Variants in SLC30A5 observed in about 807,000 individuals in gnomAD.
The protein encoded by SLC30A5 is solute carrier family 30 member 5.
SLC30A5 carries 33 observed loss-of-function variants against 79.6 expected under a neutral mutation model. The observed-to-expected ratio is 0.41, with a 90% CI of 0.31 to 0.55. The LOEUF is 0.55. SLC30A5 is among the 20% of genes least tolerant of loss of function. The pLI, the probability that SLC30A5 is intolerant of heterozygous loss-of-function variation, is 0.20. For synonymous variants in SLC30A5, 299 were observed against 319.7 expected, an observed-to-expected ratio of 0.94 and a Z score of 0.69; for missense variants, 788 against 928.1, an observed-to-expected ratio of 0.85 and a Z score of 1.96.
At chr5:69,100,689 T>G in intron 1 of SLC30A5, 118 bp from the exon 2 acceptor site, 1 of 777,550 alleles carries the variant, frequency 1.3e-6, no homozygotes, top group Non-Finnish European at 2.0e-6. Flanking sequence ...TTTTGTTTCA[T>G]TTTGTGTTTA....
Position 69,104,438 on chromosome 5 carries a change from G to T in SLC30A5, c.274-193G>T. The stretch of plus-strand genomic sequence containing the variant: ...ATTACAGGCATGAGCCACAGCACCC[G>T]GCCCAGAATAAGAATACTGTCTTGG... On this transcript the variant is annotated intron_variant, in intron 3 of 15. Transcript: ENST00000396591. 3 of 1,331,928 alleles carry T rather than the reference G, an allele frequency of 2.3e-6. No individual in the cohort carries two copies. In the South Asian group the frequency reaches 5.3e-5, roughly 23 times the overall value. 82.5% of individuals were successfully genotyped at this position (1,331,928 alleles called of 1,614,324 possible). A position where few individuals can be genotyped will look rare whatever the true frequency, so the allele number is the denominator to read the frequency against.
Position 69,130,726 on chromosome 5 carries a change from GTCTGAAAAGACTTTACC to G in SLC30A5, c.*1110_*1126del. ...CAGTTGTAACTAGATATGTAGTAAA[GTCTGAAAAGACTTTACC>G]ATAGACAATAACATGCAGTTTTATC... is the stretch of plus-strand genomic sequence containing the variant. On this transcript the variant is annotated 3_prime_UTR_variant, in exon 16 of 16. Coordinates refer to ENST00000396591, the MANE Select transcript of SLC30A5 (RefSeq NM_022902.5). The G allele has an allele frequency of 6.6e-6, 1 of 151,990 alleles. No individual in the cohort carries two copies. The highest frequency in any genetic ancestry group is 1.9e-4 in the East Asian group (1 of 5,186). 9.4% of individuals were successfully genotyped at this position (151,990 alleles called of 1,614,324 possible). A position where few individuals can be genotyped will look rare whatever the true frequency, so the allele number is the denominator to read the frequency against.
At chr5:69,125,947 G>T (rs1281656949) in intron 14 of SLC30A5, among the ~76,000 whole-genome samples, 1 of 150,228 alleles carries the variant, frequency 6.7e-6, no homozygotes, top group Non-Finnish European at 1.5e-5. Context: ...TACCTGAGTG[G>T]CTGAAGCATG....
At chr5:69,111,498 G>A (rs761384436) in intron 5 of SLC30A5, among the ~76,000 whole-genome samples, 1 of 150,816 alleles carries the variant, frequency 6.6e-6, no homozygotes, top group East Asian at 1.9e-4. Flanking sequence ...TAGAGACAGG[G>A]TTTCACCATA....
intron 14 of SLC30A5, among the ~76,000 whole-genome samples, chr5:69,124,112 C>CAAA (rs1235473113): frequency 0.24 from 23,063 of 94,216 alleles, 3,425 homozygotes; most frequent in African/African-American, 0.38. Context: ...GACTCCACCT[C>CAAA]AAAAAAAAAA....
At chr5:69,120,610 G>T (rs887963884) in intron 12 of SLC30A5, among the ~76,000 whole-genome samples, 1 of 152,136 alleles carries the variant, frequency 6.6e-6, no homozygotes, top group East Asian at 1.9e-4. Flanking sequence ...GTACTTATGA[G>T]ATGATGGAGT....
chr5:69,127,269 C>G lies in SLC30A5; in HGVS notation c.1999-735C>G, dbSNP rs537479608. Among the ~76,000 whole-genome samples the G allele has an allele frequency of 2.6e-5, 4 of 152,070 alleles. No homozygotes were observed. The South Asian group carries it at 8.3e-4, about 32-fold the overall frequency. On this transcript the variant is annotated intron_variant, in intron 14 of 15. Transcript: ENST00000396591. ...GTGTCTAGGTCATGATTAGAATAGG[C>G]AGAGTTGTGCTGTATCAGGGAAAAT... is the stretch of plus-strand genomic sequence containing the variant.
chr5:69,109,815 A>G (rs1746183632), intron 5 of SLC30A5, among the ~76,000 whole-genome samples: 2 of 152,102 alleles, frequency 1.3e-5, no homozygotes, highest in Non-Finnish European at 2.9e-5. Flanking sequence ...GCTGGGTCCT[A>G]CTTGCAGACC....
intron 5 of SLC30A5, among the ~76,000 whole-genome samples, chr5:69,111,312 T>TC (rs1476546784): frequency 7.1e-6 from 1 of 140,368 alleles, no homozygotes; most frequent in Non-Finnish European, 1.5e-5. Flanking sequence ...TTTTTCTTTT[T>TC]TTTTTTTTTT....
chr5:69,097,259 A>G (rs1745771502), intron 1 of SLC30A5, among the ~76,000 whole-genome samples: 1 of 151,366 alleles, frequency 6.6e-6, no homozygotes, highest in African/African-American at 2.4e-5. Context: ...GGGACTACAG[A>G]CGCCCACCAC....
intron 12 of SLC30A5, among the ~76,000 whole-genome samples, chr5:69,118,923 C>T (rs1480978491): frequency 6.6e-6 from 1 of 151,834 alleles, no homozygotes; most frequent in Non-Finnish European, 1.5e-5. Flanking sequence ...GCCTCAGCCT[C>T]CTGAGTAGCT....
chr5:69,123,606 G>C (rs1001300137), intron 14 of SLC30A5, 181 bp downstream of exon 14: 3 of 560,390 alleles, frequency 5.4e-6, no homozygotes, highest in Non-Finnish European at 9.5e-6. Flanking sequence ...ATATAAATGA[G>C]AAAAATACAG....
At chr5:69,095,786 G>A (rs566805491) in intron 1 of SLC30A5, among the ~76,000 whole-genome samples, 27 of 152,118 alleles carry the variant, frequency 1.8e-4, no homozygotes, top group Admixed American at 6.5e-4. Context: ...CAGGCCGGTC[G>A]CAGTGGCTCA....
chr5:69,108,333 T>C lies in SLC30A5; in HGVS notation c.360-16T>C. 3.2e-6 allele frequency: 5 copies of C among 1,572,830 alleles called. No homozygotes were observed. Among genetic ancestry groups the C allele is most frequent in the Non-Finnish European group, 4.4e-6 (5 of 1,143,466 alleles). The stretch of plus-strand genomic sequence containing the variant: ...ATAAATTACATTTCATAAATGATAA[T>C]GTTTTATTTTTGTAGGACTTTGCTG... On this transcript the variant is annotated splice_polypyrimidine_tract_variant and intron_variant, in intron 4 of 15. Coordinates refer to ENST00000396591, the MANE Select transcript of SLC30A5 (RefSeq NM_022902.5).
chr5:69,108,478 G>T, intron 5 of SLC30A5, 42 bp downstream of exon 5: 3 of 1,316,620 alleles, frequency 2.3e-6, no homozygotes, highest in Non-Finnish European at 3.3e-6. Flanking sequence ...TGGAAAGTAT[G>T]TATGTCACAT....
rs142945335 is a variant in SLC30A5 at position 69,108,705 on chromosome 5, C to T, written c.447+269C>T. ...GGCATGGTGGTGGGCACCTGTAATC[C>T]CGGCTACTCTGGAGGCTGAGGCATG... On this transcript the variant is annotated intron_variant, in intron 5 of 15. Transcript: ENST00000396591. Among the ~76,000 whole-genome samples, 217 of 151,458 alleles carry T rather than the reference C, an allele frequency of 1.4e-3. 1 individual carries two copies. Among genetic ancestry groups the T allele is most frequent in the African/African-American group, 4.9e-3 (204 of 41,232 alleles).
intron 3 of SLC30A5, 34 bp from the exon 4 acceptor site, chr5:69,104,597 C>T: frequency 6.7e-7 from 1 of 1,484,466 alleles, no homozygotes; most frequent in Non-Finnish European, 9.0e-7. Flanking sequence ...ATATATGTGA[C>T]TGAAATTTTT....
chr5:69,128,250 C>CTTTTTTT (rs71612509), intron 15 of SLC30A5, 118 bp downstream of exon 15: 18 of 286,992 alleles, frequency 6.3e-5, no homozygotes, highest in Admixed American at 1.3e-4. Context: ...TCTTCCAACT[C>CTTTTTTT]TTTTTTTTTT....
chr5:69,094,200 C>G lies in SLC30A5; in HGVS notation c.-56C>G. 1.1e-6 allele frequency: 1 copy of G among 918,306 alleles called. No homozygotes were observed. Among genetic ancestry groups the G allele is most frequent in the Non-Finnish European group, 1.5e-6 (1 of 686,510 alleles). The allele number at this position is 918,306 out of a possible 1,614,324, so 56.9% of individuals were successfully genotyped here. On this transcript the variant is annotated 5_prime_UTR_variant, in exon 1 of 16. Coordinates refer to ENST00000396591, the MANE Select transcript of SLC30A5 (RefSeq NM_022902.5). ...TGCACCCGCTGTTCCGCGGCAGCGG[C>G]GAGACATGAGGAGACCCCGCGACAG...
Sources: allele counts gnomAD v4.1 joint callset (sites outside exome capture counted in the v4.1 genomes callset), GRCh38; gene constraint gnomAD v4.1.1; transcripts MANE v1.5; gene names NCBI Gene and HGNC (gene_info 2026-07-23, HGNC 2026-07-21).